The following RBFOX1 variants were observed in gnomAD, a reference collection of about 807,000 sequenced individuals.
RBFOX1 encodes RNA binding fox-1 homolog 1, also known as RNA binding protein fox-1 homolog 1.
Under a neutral mutation model 57.7 loss-of-function variants are expected in RBFOX1, and 8 were observed. The observed-to-expected ratio is 0.14, with a 90% CI of 0.08 to 0.25. The LOEUF (loss-of-function observed/expected upper bound fraction) is 0.25, where lower values mean the gene tolerates loss of function less well. Among genes scored for constraint, RBFOX1 ranks in the 10% least tolerant of loss-of-function variants. RBFOX1 has a pLI of 1.00. For missense variants in RBFOX1, 611 were observed against 548.5 expected (o/e 1.11, Z -1.14); for synonymous variants, 326 against 222.4 (o/e 1.47, Z -4.15).
At chr16:6,943,122 C>T (rs574096928) in intron 3 of RBFOX1, among the ~76,000 whole-genome samples, 2 of 152,300 alleles carry the variant, frequency 1.3e-5, no homozygotes, top group Non-Finnish European at 2.9e-5. Context: ...GGTATTCATT[C>T]CTTAGCTGCT....
intron 4 of RBFOX1, among the ~76,000 whole-genome samples, chr16:7,501,232 T>G (rs2070741265): frequency 1.3e-5 from 2 of 152,252 alleles, no homozygotes; most frequent in Admixed American, 1.3e-4. Context: ...TTGTTTCCTC[T>G]GCTTATTTCT....
intron 1 of RBFOX1, among the ~76,000 whole-genome samples, chr16:6,126,454 A>T (rs538866626): frequency 6.6e-6 from 1 of 152,290 alleles, no homozygotes; most frequent in African/African-American, 2.4e-5. Flanking sequence ...TGAAGTAGAT[A>T]CTTCCAGTGT....
At chr16:6,392,127 C>T (rs995579814) in intron 2 of RBFOX1, among the ~76,000 whole-genome samples, 2 of 152,142 alleles carry the variant, frequency 1.3e-5, no homozygotes, top group African/African-American at 4.8e-5. Flanking sequence ...TGTTCTATGG[C>T]CTGGGAGGGA....
intron 3 of RBFOX1, among the ~76,000 whole-genome samples, chr16:6,934,345 T>C (rs1158903846): frequency 1.3e-5 from 2 of 152,220 alleles, no homozygotes; most frequent in Non-Finnish European, 2.9e-5. Context: ...AGAATACGTA[T>C]TTATGTAATA....
intron 2 of RBFOX1, among the ~76,000 whole-genome samples, chr16:5,510,245 G>A (rs550171970): frequency 2.4e-4 from 37 of 152,362 alleles, no homozygotes; most frequent in African/African-American, 8.9e-4. Flanking sequence ...GGCTTCAGCA[G>A]CCGTCACTTA....
intron 4 of RBFOX1, among the ~76,000 whole-genome samples, chr16:5,953,658 G>C (rs1244384416): frequency 6.6e-6 from 1 of 151,508 alleles, no homozygotes; most frequent in African/African-American, 2.4e-5. Context: ...AGGTTGCTGC[G>C]AATGCCATTC....
Position 7,710,654 on chromosome 16 carries a change from C to G in RBFOX1, c.1103C>G (p.Thr368Ser), listed in dbSNP as rs748433960. Residue 368 changes from threonine to serine, a missense_variant, in exon 16 of 16, where the codon ACT becomes AGT. Physicochemically the swap from Thr to Ser is moderately conservative, Grantham distance 58. Transcript: ENST00000550418. ...TTTGCACCTTTGACTGATGCCAAGA[C>G]TAGGAGCCATGCTGATGATGTGGGT... ...NAFAPLTDAK[T>S]RSHADDVGLV... 3 of 1,613,502 alleles carry G rather than the reference C, an allele frequency of 1.9e-6. No individual in the cohort carries two copies. The highest frequency in any genetic ancestry group is 2.5e-6 in the Non-Finnish European group (3 of 1,179,778).
intron 1 of RBFOX1, among the ~76,000 whole-genome samples, chr16:5,362,499 A>G (rs540885382): frequency 2.0e-5 from 3 of 152,302 alleles, no homozygotes; most frequent in African/African-American, 7.2e-5. Flanking sequence ...AGTAGCTGGG[A>G]TTACAGGCAT....
At chr16:7,447,481 G>C (rs1040003269) in intron 4 of RBFOX1, among the ~76,000 whole-genome samples, 1 of 149,008 alleles carries the variant, frequency 6.7e-6, no homozygotes, top group Non-Finnish European at 1.5e-5. Context: ...AAAATTACTA[G>C]TGCAGAGTTG....
chr16:7,374,787 C>G (rs74010683), intron 4 of RBFOX1, among the ~76,000 whole-genome samples: 1,912 of 152,272 alleles, frequency 0.013, 41 homozygotes, highest in African/African-American at 0.044. Context: ...ATCCTGGCAA[C>G]CTAGAGTTAC....
At chr16:6,666,341 C>G (rs1406575088) in intron 3 of RBFOX1, among the ~76,000 whole-genome samples, 3 of 152,084 alleles carry the variant, frequency 2.0e-5, no homozygotes, top group Non-Finnish European at 2.9e-5. Context: ...TGAAACCAGC[C>G]TGGCCAACAT....
intron 4 of RBFOX1, among the ~76,000 whole-genome samples, chr16:7,059,395 A>T (rs1407565941): frequency 6.6e-6 from 1 of 152,160 alleles, no homozygotes; most frequent in African/African-American, 2.4e-5. Flanking sequence ...TTATTCAAGA[A>T]ATATTTTTTG....
At chr16:7,388,646 T>TTG (rs1263189120) in intron 4 of RBFOX1, among the ~76,000 whole-genome samples, 7 of 40,310 alleles carry the variant, frequency 1.7e-4, no homozygotes, top group Admixed American at 3.3e-4. Flanking sequence ...TTCACTTACT[T>TTG]TTTTTTTTTT....
At chr16:5,528,743 A>G (rs551119494) in intron 2 of RBFOX1, among the ~76,000 whole-genome samples, 9 of 149,788 alleles carry the variant, frequency 6.0e-5, no homozygotes, top group Non-Finnish European at 1.3e-4. Flanking sequence ...TCCACCTCCC[A>G]GGTTCAAGCG....
chr16:7,403,241 C>G (rs4786157), intron 4 of RBFOX1, among the ~76,000 whole-genome samples: 99,218 of 152,028 alleles, frequency 0.65, 33,002 homozygotes, highest in Admixed American at 0.73. Flanking sequence ...TTGGTGAGAT[C>G]ACTTAGAATC....
intron 3 of RBFOX1, among the ~76,000 whole-genome samples, chr16:5,648,920 C>T (rs1055653210): frequency 5.9e-5 from 9 of 151,882 alleles, no homozygotes; most frequent in South Asian, 2.1e-4. Flanking sequence ...AAAAATTAGC[C>T]GGGTGTGATG....
intron 2 of RBFOX1, among the ~76,000 whole-genome samples, chr16:5,546,063 A>G (rs915701349): frequency 1.3e-5 from 2 of 152,200 alleles, no homozygotes; most frequent in East Asian, 3.8e-4. Context: ...AAAAAATACT[A>G]TCTGTAATAC....
chr16:5,707,519 A>T lies in RBFOX1; in HGVS notation c.318+108558A>T, dbSNP rs558947158. 2.0e-5 allele frequency among the ~76,000 whole-genome samples: 3 copies of T among 152,308 alleles called. No homozygotes were observed. In the South Asian group the frequency reaches 6.2e-4, roughly 32 times the overall value. ...TGGATAGCTAACACCTATGTCTGCC[A>T]TCTGCAAGGAACTCAGAGAATCATT... is the stretch of plus-strand genomic sequence containing the variant. On this transcript the variant is annotated intron_variant, in intron 3 of 19. Coordinates refer to the RBFOX1 transcript ENST00000641259.
At chr16:6,754,553 A>G (rs963680625) in intron 3 of RBFOX1, among the ~76,000 whole-genome samples, 14 of 152,120 alleles carry the variant, frequency 9.2e-5, no homozygotes, top group African/African-American at 3.4e-4. Context: ...ATTCCCACAT[A>G]GAATTTCTCT....
Sources: allele counts gnomAD v4.1 joint callset (sites outside exome capture counted in the v4.1 genomes callset), GRCh38; gene constraint gnomAD v4.1.1; transcripts MANE v1.5; gene names NCBI Gene and HGNC (gene_info 2026-07-23, HGNC 2026-07-21).